Variants in ZNF536 observed in about 807,000 individuals in gnomAD.
ZNF536 encodes zinc finger protein 536.
A neutral mutation model predicts 84.5 loss-of-function variants in ZNF536; 13 were observed. That is an observed-to-expected ratio of 0.15 (90% CI 0.10 to 0.24). The LOEUF (loss-of-function observed/expected upper bound fraction) is 0.24. Ranked by LOEUF, ZNF536 falls within the 10% of genes least tolerant of loss-of-function variation. The pLI, the probability that ZNF536 is intolerant of heterozygous loss-of-function variation, is 1.00. For missense variants in ZNF536, 1,536 were observed against 1,747.5 expected (o/e 0.88, Z 2.16); for synonymous variants, 811 against 742.5 (o/e 1.09, Z -1.50).
chr19:30,381,470 A>G (rs1220824864), intron 1 of ZNF536, among the ~76,000 whole-genome samples: 1 of 152,164 alleles, frequency 6.6e-6, no homozygotes, highest in Non-Finnish European at 1.5e-5. Context: ...TAAGGAAGTG[A>G]CGCTTGATCT....
chr19:30,282,581 A>G (rs1448564932), intron 1 of ZNF536, among the ~76,000 whole-genome samples: 1 of 152,180 alleles, frequency 6.6e-6, no homozygotes, highest in Non-Finnish European at 1.5e-5. Context: ...GCTTAGATAT[A>G]AAATCTGAGT....
chr19:30,518,957 A>C (rs1000546299), intron 2 of ZNF536, among the ~76,000 whole-genome samples: 1 of 152,104 alleles, frequency 6.6e-6, no homozygotes, highest in Non-Finnish European at 1.5e-5. Context: ...TGGGAAAGCC[A>C]AGTTTGCTTC....
At chr19:30,687,649 C>T (rs2051243553) in intron 1 of ZNF536, among the ~76,000 whole-genome samples, 1 of 152,068 alleles carries the variant, frequency 6.6e-6, no homozygotes, top group Non-Finnish European at 1.5e-5. Flanking sequence ...TGTATAATAT[C>T]TATATGTCAG....
intron 1 of ZNF536, among the ~76,000 whole-genome samples, chr19:30,575,585 G>T (rs961135587): frequency 6.6e-6 from 1 of 151,952 alleles, no homozygotes; most frequent in Non-Finnish European, 1.5e-5. Context: ...CAGCGGTCCA[G>T]AAAGGAGGCA....
chr19:30,514,686 C>T (rs2055561724), intron 2 of ZNF536, among the ~76,000 whole-genome samples: 1 of 152,022 alleles, frequency 6.6e-6, no homozygotes, highest in African/African-American at 2.4e-5. Flanking sequence ...CATACCTGCC[C>T]CTCCAGGCTG....
At chr19:30,646,976 CTTCA>C (rs1057410015) in intron 1 of ZNF536, among the ~76,000 whole-genome samples, 3 of 152,142 alleles carry the variant, frequency 2.0e-5, no homozygotes, top group Admixed American at 6.5e-5. Context: ...CCAGACAATT[CTTCA>C]TTCATTCTCC....
At position 30,234,397 on chromosome 19, in the gene ZNF536, C is replaced by CTTT. The variant is rs5827694; in HGVS notation, c.-190+5745_-190+5747dup. On this transcript the variant is annotated intron_variant, in intron 1 of 5. Transcript: ENST00000585628. ...CTATTTGGGACCACTAGGCTCCTTC[C>CTTT]TTTTTTTTTTTTTTTTTTTTTTTGA... 9.8e-3 allele frequency among the ~76,000 whole-genome samples: 804 copies of CTTT among 82,330 alleles called. 9 individuals carry two copies. The highest frequency in any genetic ancestry group is 0.011 in the Non-Finnish European group (490 of 46,662). The allele number at this position is 82,330 out of a possible 152,430, so 54.0% of individuals were successfully genotyped here. A position where few individuals can be genotyped will look rare whatever the true frequency, so the allele number is the denominator to read the frequency against.
chr19:30,362,515 C>A (rs1217053720), intron 3 of ZNF536, among the ~76,000 whole-genome samples: 2 of 152,168 alleles, frequency 1.3e-5, no homozygotes, highest in African/African-American at 2.4e-5. Context: ...ACTCTTGGCT[C>A]CAGGCCTGTG....
rs1280150294 is a variant in ZNF536, at chr19:30,548,763, G to A, written c.3144G>A (p.Ala1048=). ...TVNCKDQARE[A]SKMALLPSLQ... ...ACTGCAAAGACCAAGCCCGGGAGGC[G>A]AGTAAGATGGCCCTGCTGCCCTCGT... is the stretch of plus-strand genomic sequence containing the variant. Residue 1048 remains alanine, a synonymous_variant, in exon 4 of 5, where the codon GCG becomes GCA. Transcript: ENST00000355537. 30 of 1,613,760 alleles carry A rather than the reference G, an allele frequency of 1.9e-5. No homozygotes were observed. The highest frequency in any genetic ancestry group is 2.4e-5 in the Non-Finnish European group (28 of 1,180,022).
intron 2 of ZNF536, among the ~76,000 whole-genome samples, chr19:30,459,232 T>G (rs1313064337): frequency 1.4e-5 from 2 of 139,098 alleles, no homozygotes; most frequent in Non-Finnish European, 3.1e-5. Context: ...TTTTTATCAT[T>G]TTCATTTTTT....
At chr19:30,680,966 C>T (rs190717701) in intron 1 of ZNF536, among the ~76,000 whole-genome samples, 37 of 152,264 alleles carry the variant, frequency 2.4e-4, no homozygotes, top group East Asian at 9.7e-4. Context: ...GAGATGGTAT[C>T]TCATTGTGGT....
At chr19:30,683,254 G>C (rs1430387054) in intron 1 of ZNF536, among the ~76,000 whole-genome samples, 1 of 152,166 alleles carries the variant, frequency 6.6e-6, no homozygotes, top group Non-Finnish European at 1.5e-5. Flanking sequence ...TTCTGCATTT[G>C]AACAATAGTT....
chr19:30,627,692 G>A (rs1291073280), intron 1 of ZNF536, among the ~76,000 whole-genome samples: 1 of 152,194 alleles, frequency 6.6e-6, no homozygotes, highest in East Asian at 1.9e-4. Context: ...TTCTCTGAAG[G>A]CTCTCATATT....
At chr19:30,672,941 C>T (rs941380353) in intron 1 of ZNF536, among the ~76,000 whole-genome samples, 1 of 152,210 alleles carries the variant, frequency 6.6e-6, no homozygotes, top group African/African-American at 2.4e-5. Context: ...CAGCCCCTAT[C>T]CTGTCTTGGT....
intron 2 of ZNF536, among the ~76,000 whole-genome samples, chr19:30,311,154 CCT>C (rs2046490489): frequency 6.6e-6 from 1 of 152,078 alleles, no homozygotes; most frequent in South Asian, 2.1e-4. Context: ...TCTAGAGGGG[CCT>C]CTCTGTGCTT....
chr19:30,326,689 T>G (rs938328677), intron 2 of ZNF536, among the ~76,000 whole-genome samples: 1 of 144,594 alleles, frequency 6.9e-6, no homozygotes, highest in African/African-American at 2.6e-5. Flanking sequence ...CGAATGTGCC[T>G]CCCCATCTCT....
In ZNF536 at chr19:30,228,964, G is replaced by A. The variant is rs1391984119; in HGVS notation, c.-190+291G>A. ...CTTGGGGGGCGCGCGGTCGCAGTTG[G>A]GCATCTTGCCTGGGTCGGGGGCGGG... On this transcript the variant is annotated intron_variant, in intron 1 of 5. Transcript: ENST00000585628. The surrounding 1 kb of genome is among the most constrained non-coding windows in gnomAD (Gnocchi z 4.5). Among the ~76,000 whole-genome samples, 5 of 151,862 alleles carry A rather than the reference G, an allele frequency of 3.3e-5. No individual in the cohort carries two copies. Among genetic ancestry groups the A allele is most frequent in the Non-Finnish European group, 7.4e-5 (5 of 67,888 alleles).
downstream of ZNF536, among the ~76,000 whole-genome samples, chr19:30,559,994 C>G (rs2046102444): frequency 1.3e-5 from 2 of 152,086 alleles, no homozygotes; most frequent in African/African-American, 4.8e-5. Flanking sequence ...TCCTGCTCCC[C>G]ATCTTCTCAT....
chr19:30,387,072 T>A (rs553070774), intron 1 of ZNF536, among the ~76,000 whole-genome samples: 1 of 152,248 alleles, frequency 6.6e-6, no homozygotes, highest in South Asian at 2.1e-4. Context: ...GTGATTGAAG[T>A]GTCAGTGGAG....
Sources: allele counts gnomAD v4.1 joint callset (sites outside exome capture counted in the v4.1 genomes callset), GRCh38; gene constraint gnomAD v4.1.1; non-coding constraint Gnocchi (gnomAD v3.1); transcripts MANE v1.5; gene names NCBI Gene and HGNC (gene_info 2026-07-23, HGNC 2026-07-21).